Variants in CSMD1 observed in about 807,000 individuals in gnomAD.
The protein encoded by CSMD1 is CUB and sushi domain-containing protein 1.
In CSMD1, 213 loss-of-function variants were observed where a neutral mutation model predicts 417.5. That is an observed-to-expected ratio of 0.51 (90% CI 0.46 to 0.57). CSMD1 has a LOEUF of 0.57. Ranked by LOEUF, CSMD1 falls within the 20% of genes least tolerant of loss-of-function variation. CSMD1 has a pLI of 0.00. For synonymous variants in CSMD1, 2,862 were observed against 1,736.8 expected (o/e 1.65, Z -16.11); for missense variants, 6,923 against 4,529.7 (o/e 1.53, Z -15.17).
At chr8:3,005,579 C>A (rs1245200600) in intron 52 of CSMD1, among the ~76,000 whole-genome samples, 3 of 152,206 alleles carry the variant, frequency 2.0e-5, no homozygotes, top group Non-Finnish European at 4.4e-5. Flanking sequence ...CCACCATGAT[C>A]AAGTGGGCTT....
intron 3 of CSMD1, among the ~76,000 whole-genome samples, chr8:4,218,806 C>G (rs1481962587): frequency 1.3e-5 from 2 of 152,150 alleles, no homozygotes; most frequent in Non-Finnish European, 2.9e-5. Context: ...CTTCTGTTTT[C>G]TCAGTGTCAA....
At chr8:4,061,939 G>C (rs975044154) in intron 3 of CSMD1, among the ~76,000 whole-genome samples, 6 of 152,168 alleles carry the variant, frequency 3.9e-5, no homozygotes, top group Admixed American at 2.0e-4. Context: ...ACTAACGAAA[G>C]ATTCTTCATC....
In CSMD1 at chr8:3,933,087, A is replaced by C. The variant is rs1426674913; in HGVS notation, c.818+64816T>G. On this transcript the variant is annotated intron_variant, in intron 5 of 69. Coordinates refer to ENST00000635120, the MANE Select transcript of CSMD1 (RefSeq NM_033225.6). ...CTCATTAAAAAAAAACAAAAGAAAC[A>C]ACATTATTTTCCTCTTTATATATCT... Among the ~76,000 whole-genome samples the C allele has an allele frequency of 3.7e-4, 55 of 149,784 alleles. 2 individuals carry two copies. Among genetic ancestry groups the C allele is most frequent in the Admixed American group, 3.7e-3 (55 of 15,038 alleles).
chr8:3,682,210 G>C (rs972282989), intron 7 of CSMD1, among the ~76,000 whole-genome samples: 9 of 152,114 alleles, frequency 5.9e-5, no homozygotes, highest in African/African-American at 2.2e-4. Flanking sequence ...TTAAACTAAA[G>C]AGCTTCTGCA....
chr8:3,820,917 C>CT (rs746795625), intron 5 of CSMD1, among the ~76,000 whole-genome samples: 9 of 151,852 alleles, frequency 5.9e-5, no homozygotes, highest in Admixed American at 1.3e-4. Flanking sequence ...GGTGTTCTAT[C>CT]TTTTTTTTAA....
chr8:3,156,853 A>G (rs1320867129), intron 39 of CSMD1, among the ~76,000 whole-genome samples: 4 of 151,976 alleles, frequency 2.6e-5, no homozygotes, highest in Non-Finnish European at 5.9e-5. Flanking sequence ...GTGCCATCTT[A>G]AAGATGGGGC....
At chr8:3,808,397 A>G (rs944419434) in intron 5 of CSMD1, among the ~76,000 whole-genome samples, 1 of 152,156 alleles carries the variant, frequency 6.6e-6, no homozygotes, top group Non-Finnish European at 1.5e-5. Flanking sequence ...CAACCGTGGT[A>G]AAAAGTAAGT....
intron 5 of CSMD1, among the ~76,000 whole-genome samples, chr8:3,954,157 G>A (rs530355574): frequency 1.3e-5 from 2 of 152,296 alleles, no homozygotes; most frequent in East Asian, 3.9e-4. Flanking sequence ...TGGGTCTGTA[G>A]AAACTTCAGC....
At chr8:3,567,572 G>C (rs1384929420) in intron 10 of CSMD1, among the ~76,000 whole-genome samples, 3 of 151,554 alleles carry the variant, frequency 2.0e-5, no homozygotes, top group African/African-American at 7.3e-5. Context: ...GGAAGGAAAG[G>C]GAAGGGAAAG....
chr8:4,248,020 T>A (rs1284136647), intron 3 of CSMD1, among the ~76,000 whole-genome samples: 1 of 152,186 alleles, frequency 6.6e-6, no homozygotes, highest in African/African-American at 2.4e-5. Flanking sequence ...TGTATATAGA[T>A]TTTTCATTTA....
chr8:4,070,590 C>G (rs1406617001), intron 3 of CSMD1, among the ~76,000 whole-genome samples: 1 of 152,144 alleles, frequency 6.6e-6, no homozygotes, highest in Non-Finnish European at 1.5e-5. Flanking sequence ...TTCTCCTGAC[C>G]TCGTGATCCA....
At chr8:3,891,480 G>C (rs946098952) in intron 5 of CSMD1, among the ~76,000 whole-genome samples, 2 of 152,032 alleles carry the variant, frequency 1.3e-5, no homozygotes, top group African/African-American at 4.8e-5. Context: ...AGGAGTTTGA[G>C]ACCACCCTGG....
intron 4 of CSMD1, among the ~76,000 whole-genome samples, chr8:4,025,074 G>A (rs190160368): frequency 2.0e-5 from 3 of 152,250 alleles, no homozygotes; most frequent in African/African-American, 7.2e-5. Flanking sequence ...ACAAAAATAA[G>A]ATTCAGAATT....
intron 2 of CSMD1, among the ~76,000 whole-genome samples, chr8:4,609,644 A>C (rs564221256): frequency 7.3e-4 from 111 of 152,328 alleles, no homozygotes; most frequent in African/African-American, 2.6e-3. Flanking sequence ...CCCATTCTTA[A>C]TAGGCCAGTG....
intron 5 of CSMD1, among the ~76,000 whole-genome samples, chr8:3,855,214 C>G (rs553320430): frequency 5.3e-5 from 8 of 152,108 alleles, no homozygotes; most frequent in Admixed American, 2.0e-4. Flanking sequence ...ATGGACAAGG[C>G]TGCGACAGCT....
intron 26 of CSMD1, among the ~76,000 whole-genome samples, chr8:3,260,323 T>C (rs1361777861): frequency 6.6e-6 from 1 of 152,114 alleles, no homozygotes; most frequent in Non-Finnish European, 1.5e-5. Context: ...CTTTGGGTGT[T>C]GCAGGATCAA....
chr8:4,488,020 T>C (rs963468165), intron 2 of CSMD1, among the ~76,000 whole-genome samples: 4 of 152,156 alleles, frequency 2.6e-5, no homozygotes, highest in Non-Finnish European at 5.9e-5. Flanking sequence ...TGGGGCTTTC[T>C]GGAGGTGAGT....
intron 3 of CSMD1, among the ~76,000 whole-genome samples, chr8:4,075,694 T>C (rs1435167442): frequency 2.6e-5 from 4 of 152,206 alleles, no homozygotes; most frequent in Non-Finnish European, 4.4e-5. Flanking sequence ...ATTCATTTTA[T>C]AGATATAAAA....
intron 5 of CSMD1, among the ~76,000 whole-genome samples, chr8:3,861,370 T>C (rs2975368): frequency 0.41 from 62,819 of 152,132 alleles, 13,827 homozygotes; most frequent in African/African-American, 0.57. Flanking sequence ...AAATATGAGC[T>C]GTCTTAGCAG....
Sources: allele counts gnomAD v4.1 joint callset (sites outside exome capture counted in the v4.1 genomes callset), GRCh38; gene constraint gnomAD v4.1.1; transcripts MANE v1.5; gene names NCBI Gene and HGNC (gene_info 2026-07-23, HGNC 2026-07-21).